Variants in ALX4 observed in about 807,000 individuals in gnomAD.
The protein encoded by ALX4 is ALX homeobox 4, also known as homeobox protein aristaless-like 4.
A neutral mutation model predicts 40.6 loss-of-function variants in ALX4; 22 were observed. That is an observed-to-expected ratio of 0.54 (90% CI 0.39 to 0.77). The LOEUF (loss-of-function observed/expected upper bound fraction) is 0.77, where lower values mean the gene tolerates loss of function less well. ALX4 is among the 30% of genes least tolerant of loss of function. ALX4 has a pLI of 0.00. For synonymous variants in ALX4, 266 were observed against 240.5 expected, an observed-to-expected ratio of 1.11 and a Z score of -0.98; for missense variants, 556 against 564.8, an observed-to-expected ratio of 0.98 and a Z score of 0.16.
At chr11:44,292,940 A>G (rs912336691) in intron 1 of ALX4, among the ~76,000 whole-genome samples, 4 of 151,298 alleles carry the variant, frequency 2.6e-5, no homozygotes, top group Non-Finnish European at 5.9e-5. Context: ...CTATAAAAAA[A>G]ATTTTTAAAT....
At position 44,264,745 on chromosome 11, in the gene ALX4, T is replaced by C. The variant is rs1173477121; in HGVS notation, c.*109A>G. ...CTGAAAGTGCTGAGGGTCAGGCCCC[T>C]GGCCCAGGCCAGGTTCCTAAGAGGA... is the stretch of plus-strand genomic sequence containing the variant. On this transcript the variant is annotated 3_prime_UTR_variant, in exon 4 of 4. Coordinates refer to ENST00000652299, the MANE Select transcript of ALX4 (RefSeq NM_021926.4). 3 of 1,306,882 alleles carry C rather than the reference T, an allele frequency of 2.3e-6. No individual in the cohort carries two copies. Among genetic ancestry groups the C allele is most frequent in the African/African-American group, 2.9e-5 (2 of 68,524 alleles). The allele number at this position is 1,306,882 out of a possible 1,614,324, so 81.0% of individuals were successfully genotyped here. A position where few individuals can be genotyped will look rare whatever the true frequency, so the allele number is the denominator to read the frequency against.
In ALX4 at chr11:44,265,028, C is replaced by T. The variant is rs776186258; in HGVS notation, c.1062G>A (p.Gly354=). ...GCGTCTGGCCCACGTGACTGCCAGC[C>T]CCAGACACACTCAGGAAGTCGGTGA... The part of the protein sequence containing the change: ...SSVTDFLSVS[G]AGSHVGQTHM... The change falls in exon 4 of 4, where the codon GGG becomes GGA. Residue 354 remains glycine (G), a synonymous_variant. Coordinates refer to ENST00000652299, the MANE Select transcript of ALX4 (RefSeq NM_021926.4). 1.3e-5 allele frequency: 21 copies of T among 1,612,982 alleles called. No homozygotes were observed. The highest frequency in any genetic ancestry group is 1.6e-5 in the Non-Finnish European group (19 of 1,179,936).
At chr11:44,280,835 T>G (rs1956305623) in intron 1 of ALX4, among the ~76,000 whole-genome samples, 1 of 152,244 alleles carries the variant, frequency 6.6e-6, no homozygotes, top group Admixed American at 6.5e-5. Context: ...TTCAAGGTTG[T>G]ATTCTCAATC....
Position 44,264,965 on chromosome 11 carries a change from T to C in ALX4, c.1125A>G (p.Pro375=). 4 of 1,613,212 alleles carry C rather than the reference T, an allele frequency of 2.5e-6. No individual in the cohort carries two copies. Among genetic ancestry groups the C allele is most frequent in the Non-Finnish European group, 3.4e-6 (4 of 1,179,938 alleles). ...CGTTGAGCTCGTAGCCATTGAGGCC[T>C]GGGCTGAGGCTGGCTGCTCCAAACA... The part of the protein sequence containing the change: ...GSLFGAASLS[P]GLNGYELNGE... The change falls in exon 4 of 4, where the codon CCA becomes CCG. Residue 375 remains proline, a synonymous_variant. Coordinates refer to ENST00000652299, the MANE Select transcript of ALX4 (RefSeq NM_021926.4).
At chr11:44,289,949 T>A (rs932201774) in intron 1 of ALX4, among the ~76,000 whole-genome samples, 1 of 152,138 alleles carries the variant, frequency 6.6e-6, no homozygotes, top group African/African-American at 2.4e-5. Flanking sequence ...ATCCCAGCAA[T>A]ACGTCCGCAG....
At chr11:44,265,320 G>T (rs1044350126) in intron 3 of ALX4, 137 bp from the exon 4 acceptor site, 1 of 867,846 alleles carries the variant, frequency 1.2e-6, no homozygotes, top group Non-Finnish European at 1.8e-6. Context: ...TAGCCTTGAT[G>T]GACATCCAGA....
chr11:44,280,459 C>T (rs541068656), intron 1 of ALX4, among the ~76,000 whole-genome samples: 1 of 152,334 alleles, frequency 6.6e-6, no homozygotes, highest in South Asian at 2.1e-4. Context: ...GCAACAGCGC[C>T]CAGCGTGGGT....
intron 3 of ALX4, among the ~76,000 whole-genome samples, chr11:44,266,510 A>G (rs77981788): frequency 0.19 from 29,234 of 152,146 alleles, 3,064 homozygotes; most frequent in Non-Finnish European, 0.23. Flanking sequence ...GAGAGGGAAC[A>G]GAGGGCTGGT....
At chr11:44,306,311 A>G (rs1453639297) in intron 1 of ALX4, among the ~76,000 whole-genome samples, 6 of 151,612 alleles carry the variant, frequency 4.0e-5, no homozygotes, top group Admixed American at 3.3e-4. Context: ...TCTCTCACCA[A>G]CTCTTTCCGC....
intron 1 of ALX4, among the ~76,000 whole-genome samples, chr11:44,303,988 T>A (rs1450963636): frequency 1.3e-5 from 2 of 152,144 alleles, no homozygotes; most frequent in African/African-American, 2.4e-5. Context: ...GTAACTGATA[T>A]TAGAGAAGAC....
chr11:44,278,108 G>A (rs752889812), intron 1 of ALX4, among the ~76,000 whole-genome samples: 5 of 151,760 alleles, frequency 3.3e-5, no homozygotes, highest in Non-Finnish European at 7.4e-5. Flanking sequence ...GCTGAGGGAG[G>A]TGAGCACTGA....
chr11:44,300,362 C>G (rs1457375298), intron 1 of ALX4, among the ~76,000 whole-genome samples: 1 of 152,220 alleles, frequency 6.6e-6, no homozygotes, highest in Non-Finnish European at 1.5e-5. Flanking sequence ...TGAAAGTGAG[C>G]TCCCTCCTTG....
intron 1 of ALX4, among the ~76,000 whole-genome samples, chr11:44,299,981 G>C (rs952021165): frequency 6.6e-6 from 1 of 152,212 alleles, no homozygotes; most frequent in Non-Finnish European, 1.5e-5. Flanking sequence ...ACGCTCAGTT[G>C]TTCTGGGCTG....
At chr11:44,295,093 C>T (rs1956395557) in intron 1 of ALX4, among the ~76,000 whole-genome samples, 1 of 152,124 alleles carries the variant, frequency 6.6e-6, no homozygotes, top group Non-Finnish European at 1.5e-5. Context: ...TCAGGCAATC[C>T]ACCTGCCTCG....
chr11:44,307,012 T>A (rs900181825), intron 1 of ALX4, among the ~76,000 whole-genome samples: 2 of 152,200 alleles, frequency 1.3e-5, no homozygotes, highest in Admixed American at 6.5e-5. Context: ...TTAGGCAGCA[T>A]GGAGTGGCGT....
At chr11:44,302,969 C>T (rs928083849) in intron 1 of ALX4, among the ~76,000 whole-genome samples, 4 of 152,178 alleles carry the variant, frequency 2.6e-5, no homozygotes, top group African/African-American at 9.7e-5. Flanking sequence ...AAAATTCAGA[C>T]CCCGGAGCAG....
chr11:44,277,144 G>A (rs1956282708), intron 1 of ALX4, among the ~76,000 whole-genome samples: 1 of 152,320 alleles, frequency 6.6e-6, no homozygotes, highest in Non-Finnish European at 1.5e-5. Context: ...TAGGGTAGCT[G>A]TGGGAAATAA....
chr11:44,298,603 A>G (rs1956417114), intron 1 of ALX4, among the ~76,000 whole-genome samples: 1 of 152,068 alleles, frequency 6.6e-6, no homozygotes, highest in Non-Finnish European at 1.5e-5. Flanking sequence ...GGAGAAAACC[A>G]TTTGGCTAGA....
intron 1 of ALX4, among the ~76,000 whole-genome samples, chr11:44,291,974 G>A (rs1217565488): frequency 1.3e-5 from 2 of 151,988 alleles, no homozygotes; most frequent in Admixed American, 6.6e-5. Context: ...ACTGGTCACT[G>A]CACCTGGCTA....
Sources: gnomAD v4.1 joint callset for allele counts (sites outside exome capture counted in the v4.1 genomes callset) on GRCh38, gnomAD v4.1.1 for gene constraint, MANE v1.5 for transcripts, NCBI Gene and HGNC (gene_info 2026-07-23, HGNC 2026-07-21) for gene names.